The following SHISAL1 variants were observed in gnomAD, a reference collection of about 807,000 sequenced individuals.
SHISAL1 encodes the protein protein shisa-like-1.
SHISAL1 carries 9 observed loss-of-function variants against 22.6 expected under a neutral mutation model. The ratio of observed to expected loss-of-function variants is 0.40; its 90% CI spans 0.24 to 0.70. SHISAL1 has a LOEUF of 0.70. SHISAL1 is among the 30% of genes least tolerant of loss of function. SHISAL1 has a pLI of 0.39. For missense variants in SHISAL1, 246 were observed against 270.6 expected, an observed-to-expected ratio of 0.91 and a Z score of 0.64; for synonymous variants, 119 against 115.4, an observed-to-expected ratio of 1.03 and a Z score of -0.20.
rs544245604 is a variant in SHISAL1 at position 44,265,076 on chromosome 22, G to A, written c.*-15391C>T. On this transcript the variant is annotated intron_variant, in intron 4 of 4. Coordinates refer to ENST00000381176, the MANE Select transcript of SHISAL1 (RefSeq NM_001099294.2). ...CTCAGTCCCCCCATCTGTAAAATGCGGCTGCTCACAGCCCCCTACTCTGAT... is the reference window on the plus strand; with the variant it reads ...CTCAGTCCCCCCATCTGTAAAATGCAGCTGCTCACAGCCCCCTACTCTGAT... Among the ~76,000 whole-genome samples, 48 of 152,198 alleles carry A rather than the reference G, an allele frequency of 3.2e-4. 1 individual carries two copies. Among genetic ancestry groups the A allele is most frequent in the Non-Finnish European group, 4.9e-4 (33 of 68,034 alleles).
chr22:44,254,503 G>A (rs1418731826), intron 4 of SHISAL1, among the ~76,000 whole-genome samples: 2 of 152,090 alleles, frequency 1.3e-5, no homozygotes, highest in Non-Finnish European at 2.9e-5. Flanking sequence ...TAAGACTACA[G>A]GTGTGCACCA....
chr22:44,267,502 T>C (rs561398802), intron 4 of SHISAL1, among the ~76,000 whole-genome samples: 4 of 150,922 alleles, frequency 2.7e-5, no homozygotes, highest in African/African-American at 7.3e-5. Flanking sequence ...GCCACAGACA[T>C]GGCTGCAGCT....
chr22:44,313,675 A>AC (rs1012792637), upstream of SHISAL1, among the ~76,000 whole-genome samples: 4 of 148,866 alleles, frequency 2.7e-5, no homozygotes, highest in East Asian at 2.0e-4. Flanking sequence ...GGTGCCAGGC[A>AC]CCCCCCCAGC....
intron 1 of SHISAL1, among the ~76,000 whole-genome samples, chr22:44,305,848 G>A (rs553416188): frequency 4.6e-5 from 7 of 152,316 alleles, no homozygotes; most frequent in East Asian, 1.9e-4. Flanking sequence ...CCCCAGGGGC[G>A]TGTGGGGAAC....
the SHISAL1 span, among the ~76,000 whole-genome samples, chr22:44,318,733 G>A: frequency 2.0e-5 from 3 of 152,224 alleles, no homozygotes; most frequent in African/African-American, 4.8e-5. Context: ...GGAGGCTCGC[G>A]GCCTGCTCAG....
At chr22:44,252,127 G>C (rs1348391704) in intron 4 of SHISAL1, among the ~76,000 whole-genome samples, 2 of 152,132 alleles carry the variant, frequency 1.3e-5, no homozygotes, top group Admixed American at 6.6e-5. Flanking sequence ...CAGAGAACTG[G>C]CATAAATAAT....
intron 2 of SHISAL1, among the ~76,000 whole-genome samples, chr22:44,299,334 G>A (rs1406884129): frequency 6.6e-6 from 1 of 152,202 alleles, no homozygotes; most frequent in East Asian, 1.9e-4. Context: ...TCCTGCATCT[G>A]GATGGCCCTG....
At chr22:44,263,173 C>T (rs1434241146) in intron 4 of SHISAL1, among the ~76,000 whole-genome samples, 3 of 146,930 alleles carry the variant, frequency 2.0e-5, no homozygotes, top group South Asian at 2.1e-4. Flanking sequence ...CGGGTTCCAG[C>T]GATTCTCCTG....
intron 4 of SHISAL1, among the ~76,000 whole-genome samples, chr22:44,272,679 T>C (rs934482489): frequency 1.3e-5 from 2 of 152,196 alleles, no homozygotes; most frequent in African/African-American, 4.8e-5. Context: ...CTGCTTTCTT[T>C]GCCTGGGGAA....
chr22:44,275,416 C>T lies in SHISAL1; in HGVS notation c.599+10012G>A, dbSNP rs113809212. 9.1e-4 allele frequency among the ~76,000 whole-genome samples: 139 copies of T among 152,332 alleles called. 2 individuals are homozygous for T. The highest frequency in any genetic ancestry group is 3.0e-3 in the African/African-American group (126 of 41,578). On this transcript the variant is annotated intron_variant, in intron 4 of 4. Transcript: ENST00000381176. The stretch of plus-strand genomic sequence containing the variant: ...GCGGATCAGAAGCGAGGCTGAGTTT[C>T]GGGAAGCTCCTGGGCCCAGACCAGA...
At chr22:44,276,298 G>A (rs569742096) in intron 4 of SHISAL1, among the ~76,000 whole-genome samples, 53 of 152,288 alleles carry the variant, frequency 3.5e-4, no homozygotes, top group Non-Finnish European at 1.3e-4. Flanking sequence ...CAGCGGGGCT[G>A]GTGTGGCTGC....
chr22:44,293,158 G>A (rs998173071), intron 3 of SHISAL1, among the ~76,000 whole-genome samples: 7 of 152,114 alleles, frequency 4.6e-5, no homozygotes, highest in East Asian at 1.9e-4. Flanking sequence ...CTTCTTAAAC[G>A]CTGTCAGATC....
chr22:44,278,943 C>T (rs571094238), intron 4 of SHISAL1, among the ~76,000 whole-genome samples: 90 of 152,216 alleles, frequency 5.9e-4, no homozygotes, highest in African/African-American at 2.1e-3. Context: ...TGTGTACCCT[C>T]GGGACCTCTC....
chr22:44,249,636 G>C lies in SHISAL1; in HGVS notation c.*49C>G, dbSNP rs767496584. The C allele has an allele frequency of 1.8e-5, 14 of 778,868 alleles. No individual in the cohort carries two copies. Among genetic ancestry groups the C allele is most frequent in the East Asian group, 1.5e-4 (6 of 41,188 alleles). The allele number at this position is 778,868 out of a possible 1,614,324, so 48.2% of individuals were successfully genotyped here. A position where few individuals can be genotyped will look rare whatever the true frequency, so the allele number is the denominator to read the frequency against. On this transcript the variant is annotated 3_prime_UTR_variant, in exon 5 of 5. Coordinates refer to ENST00000381176, the MANE Select transcript of SHISAL1 (RefSeq NM_001099294.2). ...GTTGTTCTTCTCGGAGGCTGCACCG[G>C]GTGCTTCAGATCTCATCTCCCCCAT...
the SHISAL1 span, among the ~76,000 whole-genome samples, chr22:44,319,381 G>A: frequency 6.6e-6 from 1 of 152,366 alleles, no homozygotes. Context: ...CCAAGTCAAA[G>A]TTCTTTCTAG....
intron 4 of SHISAL1, among the ~76,000 whole-genome samples, chr22:44,269,474 GCACACA>G (rs879356618): frequency 3.6e-4 from 8 of 22,384 alleles, no homozygotes; most frequent in Non-Finnish European, 5.8e-4. Flanking sequence ...CACAACACGC[GCACACA>G]CACACACACA....
chr22:44,293,069 C>T lies in SHISAL1; in HGVS notation c.281+3603G>A, dbSNP rs143174910. On this transcript the variant is annotated intron_variant, in intron 3 of 4. Transcript: ENST00000381176. ...CTGCCTCCACCAGCTCTTTATTCCC[C>T]GCTTCCCCTTGCTCTTCCACTGGGC... is the stretch of plus-strand genomic sequence containing the variant. Among the ~76,000 whole-genome samples, 110 of 152,348 alleles carry T rather than the reference C, an allele frequency of 7.2e-4. 1 individual carries two copies. In the South Asian group the frequency reaches 0.012, roughly 17 times the overall value.
intron 4 of SHISAL1, among the ~76,000 whole-genome samples, chr22:44,278,434 C>T (rs980264890): frequency 2.0e-5 from 3 of 152,218 alleles, no homozygotes; most frequent in Non-Finnish European, 4.4e-5. Context: ...ATACAGTCCT[C>T]CAGCAAGCAG....
rs1363346019 is a variant in SHISAL1, at chr22:44,307,853, C to T, written c.-33+4898G>A. Reference sequence around the variant, plus strand: ...GATCTGTTTTTGTGTCAGCCAGGTTCGGCAGGGCAGGATGCAGGATGGCCT... The same window carrying T: ...GATCTGTTTTTGTGTCAGCCAGGTTTGGCAGGGCAGGATGCAGGATGGCCT... On this transcript the variant is annotated intron_variant, in intron 1 of 4. Coordinates refer to ENST00000381176, the MANE Select transcript of SHISAL1 (RefSeq NM_001099294.2). 5.9e-5 allele frequency among the ~76,000 whole-genome samples: 9 copies of T among 152,208 alleles called. No homozygotes were observed. The East Asian group carries it at 7.7e-4, about 13-fold the overall frequency.
Sources: gnomAD v4.1 joint callset for allele counts (sites outside exome capture counted in the v4.1 genomes callset) on GRCh38, gnomAD v4.1.1 for gene constraint, MANE v1.5 for transcripts, NCBI Gene and HGNC (gene_info 2026-07-23, HGNC 2026-07-21) for gene names.